PDE4B: variants seen among roughly 807,000 people sequenced by gnomAD.
The protein encoded by PDE4B is phosphodiesterase 4B.
PDE4B carries 20 observed loss-of-function variants against 82.2 expected under a neutral mutation model. That is an observed-to-expected ratio of 0.24 (90% CI 0.17 to 0.35). PDE4B has a LOEUF of 0.35. PDE4B is among the 10% of genes least tolerant of loss of function. The pLI is 1.00. For synonymous variants in PDE4B, 320 were observed against 318.9 expected, an observed-to-expected ratio of 1.00 and a Z score of -0.04; for missense variants, 655 against 907.2, an observed-to-expected ratio of 0.72 and a Z score of 3.57.
chr1:66,184,260 C>A (rs1485822236), intron 3 of PDE4B, among the ~76,000 whole-genome samples: 2 of 152,112 alleles, frequency 1.3e-5, no homozygotes, highest in African/African-American at 4.8e-5. Flanking sequence ...AAATCTGGCT[C>A]ATGGTGCCAA....
intron 3 of PDE4B, among the ~76,000 whole-genome samples, chr1:66,196,356 T>C (rs1648295675): frequency 1.3e-5 from 2 of 152,168 alleles, no homozygotes; most frequent in Admixed American, 1.3e-4. Context: ...GCATCAACAG[T>C]CTACAGAGCT....
At chr1:66,070,382 A>G (rs1490298426) in intron 3 of PDE4B, among the ~76,000 whole-genome samples, 2 of 152,022 alleles carry the variant, frequency 1.3e-5, no homozygotes, top group African/African-American at 4.8e-5. Flanking sequence ...GCTGGAGAAA[A>G]AAGAATGTGT....
intron 1 of PDE4B, among the ~76,000 whole-genome samples, chr1:65,796,401 G>A (rs1282182186): frequency 7.6e-6 from 1 of 131,916 alleles, no homozygotes; most frequent in Non-Finnish European, 1.6e-5. Context: ...CCGAGGCTTG[G>A]TTCATCATTT....
chr1:66,193,470 A>C (rs998247408), intron 3 of PDE4B, among the ~76,000 whole-genome samples: 1 of 152,170 alleles, frequency 6.6e-6, no homozygotes, highest in Non-Finnish European at 1.5e-5. Flanking sequence ...GAAGTCACTG[A>C]AGACCAATTT....
intron 6 of PDE4B, among the ~76,000 whole-genome samples, chr1:66,259,553 A>C (rs775276438): frequency 2.6e-4 from 40 of 152,114 alleles, no homozygotes; most frequent in Non-Finnish European, 4.6e-4. Flanking sequence ...CTTCACTGAG[A>C]TGCTTTCCCT....
At chr1:65,841,243 A>G (rs1646203043) in intron 1 of PDE4B, among the ~76,000 whole-genome samples, 1 of 152,058 alleles carries the variant, frequency 6.6e-6, no homozygotes, top group African/African-American at 2.4e-5. Flanking sequence ...GGTTGTAGTG[A>G]GCCAAGATTG....
chr1:66,018,457 T>C (rs935256176), intron 3 of PDE4B, among the ~76,000 whole-genome samples: 4 of 152,060 alleles, frequency 2.6e-5, no homozygotes, highest in African/African-American at 7.2e-5. Flanking sequence ...AAAGAGTATG[T>C]GGTTTTGACT....
intron 3 of PDE4B, among the ~76,000 whole-genome samples, chr1:65,922,159 CTTTCAGATGAG>C (rs1647272296): frequency 6.6e-6 from 1 of 152,128 alleles, no homozygotes; most frequent in Non-Finnish European, 1.5e-5. Context: ...ATTTTGTAGC[CTTTCAGATGAG>C]TTTCTATTAT....
intron 3 of PDE4B, among the ~76,000 whole-genome samples, chr1:66,226,780 G>T (rs1651488205): frequency 6.6e-6 from 1 of 152,222 alleles, no homozygotes; most frequent in Non-Finnish European, 1.5e-5. Context: ...AGATTTTAAA[G>T]CATGATCTAG....
At chr1:66,084,747 A>G (rs894560228) in intron 3 of PDE4B, among the ~76,000 whole-genome samples, 2 of 152,110 alleles carry the variant, frequency 1.3e-5, no homozygotes, top group African/African-American at 4.8e-5. Context: ...TAGTATCTTC[A>G]TTCTACTTGG....
chr1:66,024,546 A>G (rs1653328103), intron 3 of PDE4B, among the ~76,000 whole-genome samples: 1 of 152,184 alleles, frequency 6.6e-6, no homozygotes, highest in Admixed American at 6.6e-5. Context: ...CAAAGAAGCT[A>G]CACCAACTGT....
chr1:66,143,863 GGC>G (rs1646220477), intron 3 of PDE4B, among the ~76,000 whole-genome samples: 30 of 152,198 alleles, frequency 2.0e-4, no homozygotes, highest in Admixed American at 1.6e-3. Context: ...TAACCACGAT[GGC>G]AGATGTCTTG....
chr1:66,236,787 C>A (rs1652494422), intron 3 of PDE4B, among the ~76,000 whole-genome samples: 3 of 152,086 alleles, frequency 2.0e-5, no homozygotes, highest in African/African-American at 7.2e-5. Flanking sequence ...TCCATAGCAG[C>A]AAGAAGAAAG....
At chr1:66,198,773 A>G (rs1391743281) in intron 3 of PDE4B, among the ~76,000 whole-genome samples, 1 of 104,630 alleles carries the variant, frequency 9.6e-6, no homozygotes, top group African/African-American at 3.7e-5. Flanking sequence ...CCCCCACCCC[A>G]CAACAGTCCC....
rs568429173 is a variant in PDE4B at position 65,830,415 on chromosome 1, C to T, written c.-71+37167C>T. Among the ~76,000 whole-genome samples the T allele has an allele frequency of 2.0e-5, 3 of 152,036 alleles. No homozygotes were observed. The South Asian group carries it at 6.2e-4, about 32-fold the overall frequency. The stretch of plus-strand genomic sequence containing the variant: ...TTGAATCTGCAAAAGGAAATAAAGT[C>T]GCTTCACAGTGGAGAACTCTCATAA... On this transcript the variant is annotated intron_variant, in intron 1 of 16. Coordinates refer to ENST00000341517, the MANE Select transcript of PDE4B (RefSeq NM_002600.4).
intron 7 of PDE4B, among the ~76,000 whole-genome samples, chr1:66,322,730 A>T (rs945302343): frequency 2.2e-4 from 33 of 151,848 alleles, no homozygotes; most frequent in African/African-American, 8.0e-4. Flanking sequence ...AGGTTTCAAC[A>T]CAGGAATTTT....
chr1:66,103,005 AAACAGTATTT>A (rs1645257313), intron 3 of PDE4B, among the ~76,000 whole-genome samples: 1 of 152,224 alleles, frequency 6.6e-6, no homozygotes, highest in African/African-American at 2.4e-5. Flanking sequence ...TTCTTTATGA[AAACAGTATTT>A]TTTTATAAAA....
chr1:66,009,344 T>C (rs1652339148), intron 3 of PDE4B, among the ~76,000 whole-genome samples: 1 of 152,228 alleles, frequency 6.6e-6, no homozygotes, highest in Admixed American at 6.5e-5. Flanking sequence ...CAAACCTGGA[T>C]TATCAAATTA....
intron 3 of PDE4B, among the ~76,000 whole-genome samples, chr1:66,083,871 T>C (rs551851457): frequency 6.6e-6 from 1 of 152,238 alleles, no homozygotes; most frequent in Admixed American, 6.5e-5. Context: ...TATCATATGG[T>C]ATTATTCTGT....
Sources: gnomAD v4.1 joint callset for allele counts (sites outside exome capture counted in the v4.1 genomes callset) on GRCh38, gnomAD v4.1.1 for gene constraint, MANE v1.5 for transcripts, NCBI Gene and HGNC (gene_info 2026-07-23, HGNC 2026-07-21) for gene names.